Variants in PIR observed in about 807,000 individuals in gnomAD.
The protein encoded by PIR is pirin, also known as pirin (iron-binding nuclear protein).
Under a neutral mutation model 24.2 loss-of-function variants are expected in PIR, and 22 were observed. That is an observed-to-expected ratio of 0.91 (90% CI 0.65 to 1.30). The LOEUF is 1.30. Ranked by LOEUF, PIR falls within the 50% of genes most tolerant of loss-of-function variation. The pLI is 0.00. For missense variants in PIR, 220 were observed against 220.3 expected (o/e 1.00, Z 0.01); for synonymous variants, 80 against 79.6 (o/e 1.00, Z -0.03).
intron 6 of PIR, among the ~76,000 whole-genome samples, chrX:15,410,131 A>G (rs1437737007): frequency 1.8e-5 from 2 of 110,501 alleles, no homozygotes; most frequent in Non-Finnish European, 3.8e-5. Context: ...CGTGCCTGTA[A>G]TCCCAGCTAC....
At position 15,460,892 on chromosome X, in the gene PIR, G is replaced by A. The variant is rs765465743; in HGVS notation, c.190-1152C>T. On this transcript the variant is annotated intron_variant, in intron 3 of 9. Coordinates refer to ENST00000380420, the MANE Select transcript of PIR (RefSeq NM_001018109.3). ...AAAGAAAAAGTGTTATTGGGTAGCT[G>A]TGAAGACGTGTTTGCTTTTTCCACA... Among the ~76,000 whole-genome samples the A allele has an allele frequency of 1.5e-4, 17 of 111,727 alleles. No individual in the cohort carries two copies. In the East Asian group the frequency reaches 4.5e-3, roughly 30 times the overall value.
At chrX:15,470,313 T>C (rs757396501) in intron 3 of PIR, among the ~76,000 whole-genome samples, 8 of 111,908 alleles carry the variant, frequency 7.1e-5, no homozygotes, top group African/African-American at 2.6e-4. Context: ...TAGTTAATAC[T>C]GTTGCATGGC....
chrX:15,385,344 T>C (rs868813906), intron 9 of PIR, among the ~76,000 whole-genome samples: 1 of 112,374 alleles, frequency 8.9e-6, no homozygotes, highest in Non-Finnish European at 1.9e-5. Flanking sequence ...ATAAATGCAA[T>C]GGCATCTCAC....
At chrX:15,469,389 A>G (rs1381178587) in intron 3 of PIR, among the ~76,000 whole-genome samples, 1 of 112,078 alleles carries the variant, frequency 8.9e-6, no homozygotes, top group Non-Finnish European at 1.9e-5. Context: ...CAAACTCACA[A>G]ACAGGAAGTC....
intron 6 of PIR, among the ~76,000 whole-genome samples, chrX:15,414,621 G>C (rs1428879715): frequency 8.9e-6 from 1 of 111,742 alleles, no homozygotes; most frequent in Non-Finnish European, 1.9e-5. Flanking sequence ...GAAATTAGCA[G>C]GGAAAGTCAT....
intron 8 of PIR, among the ~76,000 whole-genome samples, chrX:15,394,456 G>A (rs1924060328): frequency 8.9e-6 from 1 of 112,093 alleles, no homozygotes; most frequent in South Asian, 3.7e-4. Context: ...CACTGTTACA[G>A]TGAAGTATGG....
At chrX:15,429,500 T>A (rs1925429254) in intron 5 of PIR, 1 of 111,939 alleles carries the variant, frequency 8.9e-6, no homozygotes, top group Non-Finnish European at 1.9e-5. Flanking sequence ...ATATAACATA[T>A]GTCTTGAATA....
At chrX:15,453,496 T>C (rs922872116) in intron 5 of PIR, among the ~76,000 whole-genome samples, 1 of 112,094 alleles carries the variant, frequency 8.9e-6, no homozygotes, top group African/African-American at 3.2e-5. Context: ...CCAGAGTCCA[T>C]GCAGGTAACC....
At chrX:15,423,238 C>A (rs1047514304) in intron 6 of PIR, among the ~76,000 whole-genome samples, 1 of 96,822 alleles carries the variant, frequency 1.0e-5, no homozygotes, top group Non-Finnish European at 2.0e-5. Flanking sequence ...TTGTGTAAGA[C>A]CTCAAAAGCA....
rs192472688 is a variant in PIR at position 15,400,916 on chromosome X, T to C, written c.611-3385A>G. 6.7e-3 allele frequency among the ~76,000 whole-genome samples: 731 copies of C among 109,045 alleles called. 8 individuals are homozygous for C. Among genetic ancestry groups the C allele is most frequent in the African/African-American group, 0.023 (675 of 29,967 alleles). 94.7% of individuals were successfully genotyped at this position (109,045 alleles called of 115,157 possible). ...ACCAAGCCCGGCTAATTTTTTGTAT[T>C]TTTAATAGAGATGGGGTTTCACCAT... On this transcript the variant is annotated intron_variant, in intron 7 of 9. Coordinates refer to ENST00000380420, the MANE Select transcript of PIR (RefSeq NM_001018109.3).
intron 5 of PIR, among the ~76,000 whole-genome samples, chrX:15,448,922 G>C (rs1926194399): frequency 8.9e-6 from 1 of 112,309 alleles, no homozygotes; most frequent in Non-Finnish European, 1.9e-5. Context: ...TCCCAAGCTA[G>C]ACTGTGAGCA....
intron 5 of PIR, among the ~76,000 whole-genome samples, chrX:15,454,788 G>T (rs1416092400): frequency 8.9e-6 from 1 of 111,984 alleles, no homozygotes; most frequent in Non-Finnish European, 1.9e-5. Flanking sequence ...CGATGTCAAG[G>T]CTTCTCCCAG....
intron 8 of PIR, among the ~76,000 whole-genome samples, chrX:15,390,548 G>A (rs1923926356): frequency 9.0e-6 from 1 of 111,567 alleles, no homozygotes; most frequent in African/African-American, 3.3e-5. Flanking sequence ...GACAAACCAT[G>A]TGATTAAATG....
chrX:15,425,903 T>C lies in PIR; in HGVS notation c.565+3A>G, dbSNP rs770715122. 6 of 1,111,589 alleles carry C rather than the reference T, an allele frequency of 5.4e-6. No homozygotes were observed. The highest frequency in any genetic ancestry group is 7.5e-6 in the Non-Finnish European group (6 of 804,453). 91.6% of individuals were successfully genotyped at this position (1,111,589 alleles called of 1,213,427 possible). ...GACTACTAAACCCCAGAACCCATCA[T>C]ACCTTTAGGGATAGGTTGGGAATGT... On this transcript the variant is annotated splice_donor_region_variant and intron_variant, in intron 6 of 9. Transcript: ENST00000380420.
intron 4 of PIR, among the ~76,000 whole-genome samples, chrX:15,459,122 C>T: frequency 8.9e-6 from 1 of 112,128 alleles, no homozygotes; most frequent in South Asian, 3.7e-4. Context: ...ATATCTCAGA[C>T]AAGACTAGGA....
chrX:15,473,804 C>T (rs1461348843), intron 3 of PIR, among the ~76,000 whole-genome samples: 1 of 112,500 alleles, frequency 8.9e-6, no homozygotes, highest in African/African-American at 3.2e-5. Flanking sequence ...ATCCGCCCGC[C>T]TCGGCCTCCC....
At chrX:15,461,945 C>T (rs1921324085) in intron 3 of PIR, among the ~76,000 whole-genome samples, 1 of 112,242 alleles carries the variant, frequency 8.9e-6, no homozygotes, top group African/African-American at 3.2e-5. Context: ...TCCATCTTTA[C>T]AGAAAATTCC....
chrX:15,474,836 C>A (rs1347560288), intron 3 of PIR, among the ~76,000 whole-genome samples: 5 of 111,827 alleles, frequency 4.5e-5, no homozygotes, highest in Non-Finnish European at 9.4e-5. Flanking sequence ...GTAACTCTTA[C>A]TTATTAATAG....
intron 6 of PIR, among the ~76,000 whole-genome samples, chrX:15,417,587 A>G (rs1182405863): frequency 9.0e-6 from 1 of 111,457 alleles, no homozygotes; most frequent in Non-Finnish European, 1.9e-5. Context: ...AAGTAACAAA[A>G]ATTTTTATCT....
Sources: allele counts gnomAD v4.1 joint callset (sites outside exome capture counted in the v4.1 genomes callset), GRCh38; gene constraint gnomAD v4.1.1; transcripts MANE v1.5; gene names NCBI Gene and HGNC (gene_info 2026-07-23, HGNC 2026-07-21).